The following KRT74 variants were observed in gnomAD, a reference collection of about 807,000 sequenced individuals.
KRT74 encodes the protein keratin 74, also known as keratin, type II cytoskeletal 74.
In KRT74, 43 loss-of-function variants were observed where a neutral mutation model predicts 42.7. The ratio of observed to expected loss-of-function variants is 1.01; its 90% CI spans 0.79 to 1.30. KRT74 has a LOEUF of 1.30. Ranked by LOEUF, KRT74 falls within the 50% of genes most tolerant of loss-of-function variation. The probability of loss-of-function intolerance (pLI) is 0.00; values close to 1 mark genes in which losing one functional copy is unlikely to be tolerated. For synonymous variants in KRT74, 302 were observed against 279.0 expected, an observed-to-expected ratio of 1.08 and a Z score of -0.82; for missense variants, 736 against 689.1, an observed-to-expected ratio of 1.07 and a Z score of -0.76.
chr12:52,569,662 G>A (rs1592212696), intron 6 of KRT74, 197 bp downstream of exon 6: 1 of 665,168 alleles, frequency 1.5e-6, no homozygotes, highest in East Asian at 2.6e-5. Context: ...ATAGGTTTGA[G>A]GCTCCTCCCA....
chr12:52,570,784 G>A lies in KRT74; in HGVS notation c.893C>T (p.Ser298Phe). ...GTCCAGGTCCCGGTTGTTGTCCATG[G>A]ACAGGATGACAGAGGTCTCACTGGC... ...THASETSVIL[S>F]MDNNRDLDLD... The change falls in exon 5 of 9, where the codon TCC (serine) becomes TTC (phenylalanine). Residue 298 changes from serine (S) to phenylalanine (F), a missense_variant. Physicochemically the swap from Ser to Phe is radical, Grantham distance 155. Coordinates refer to ENST00000305620, the MANE Select transcript of KRT74 (RefSeq NM_175053.4). The A allele has an allele frequency of 6.2e-7, 1 of 1,614,254 alleles. No homozygotes were observed. The highest frequency in any genetic ancestry group is 2.2e-5 in the East Asian group (1 of 44,884).
rs1939533249 is a variant in KRT74, at chr12:52,573,787, G to A, written c.-10C>T. On this transcript the variant is annotated 5_prime_UTR_variant, in exon 1 of 9. Transcript: ENST00000305620. Reference sequence around the variant, plus strand: ...TCAGTTGCCGACTCATGGTGGGAAAGGTTGAGTTGACAGAGCTGGAGAAAA... The same window carrying A: ...TCAGTTGCCGACTCATGGTGGGAAAAGTTGAGTTGACAGAGCTGGAGAAAA... The A allele has an allele frequency of 6.2e-7, 1 of 1,608,076 alleles. No individual in the cohort carries two copies. The highest frequency in any genetic ancestry group is 8.5e-7 in the Non-Finnish European group (1 of 1,175,016).
chr12:52,573,597 A>C lies in KRT74; in HGVS notation c.181T>G (p.Phe61Val). The change falls in exon 1 of 9, where the codon TTC (phenylalanine) becomes GTC (valine). Residue 61 changes from phenylalanine (F) to valine (V), a missense_variant. Phe to Val is a conservative substitution (Grantham distance 50). Coordinates refer to ENST00000305620, the MANE Select transcript of KRT74 (RefSeq NM_175053.4). ...YSLGGNRRIS[F>V]NVAGGGVRAG... The stretch of plus-strand genomic sequence containing the variant: ...CGAACGCCGCCACCAGCCACATTGA[A>C]AGAAATACGCCGATTCCCTCCAAGG... The C allele has an allele frequency of 6.2e-7, 1 of 1,614,176 alleles. No individual in the cohort carries two copies. The highest frequency in any genetic ancestry group is 8.5e-7 in the Non-Finnish European group (1 of 1,180,034).
In KRT74 at chr12:52,573,740, T is replaced by C; in HGVS notation, c.38A>G (p.Lys13Arg). The C allele has an allele frequency of 6.2e-7, 1 of 1,613,960 alleles. No individual in the cohort carries two copies. Among genetic ancestry groups the C allele is most frequent in the South Asian group, 1.1e-5 (1 of 91,086 alleles). Reference protein sequence around the residue: ...RQLNIKSSGDKGNFSVHSAVV... With the variant: ...RQLNIKSSGDRGNFSVHSAVV... ...TGCCGAATGCACACTGAAGTTGCCC[T>C]TGTCACCACTGGACTTGATGTTCAG... Residue 13 changes from lysine (K) to arginine (R), a missense_variant, in exon 1 of 9, where the codon AAG becomes AGG. Lys to Arg is a conservative substitution (Grantham distance 26, BLOSUM62 2). Coordinates refer to ENST00000305620, the MANE Select transcript of KRT74 (RefSeq NM_175053.4).
Position 52,573,343 on chromosome 12 carries a change from C to T in KRT74, c.435G>A (p.Lys145=). The change falls in exon 1 of 9, where the codon AAG becomes AAA. Residue 145 remains lysine (K), a synonymous_variant. Transcript: ENST00000305620. ...AGGAGGCGAACTTGTCGTTCAGCAC[C>T]TTGATCTGTTCCCGCTCCTGGGCGC... ...KVRAQEREQI[K]VLNDKFASFI... 2 of 1,614,216 alleles carry T rather than the reference C, an allele frequency of 1.2e-6. No homozygotes were observed. The highest frequency in any genetic ancestry group is 1.7e-6 in the Non-Finnish European group (2 of 1,180,042).
At chr12:52,571,313 T>A (rs745544302) in intron 4 of KRT74, 46 bp downstream of exon 4, 1 of 1,155,936 alleles carries the variant, frequency 8.7e-7, no homozygotes, top group Admixed American at 1.7e-5. Context: ...CCTGGAAGAG[T>A]CGGGAAGGAG....
rs763074273 is a variant in KRT74, at chr12:52,571,366, T to A, written c.836A>T (p.Tyr279Phe). The change falls in exon 4 of 9, where the codon TAT becomes TTT. Residue 279 changes from tyrosine to phenylalanine, a missense_variant. Tyr to Phe is a conservative substitution (Grantham distance 22). Transcript: ENST00000305620. ...GGACAGGAGTGTCCTTACTGCATCATACAGACACTTGAGGAACTTGATTTC... is the reference window on the plus strand; with the variant it reads ...GGACAGGAGTGTCCTTACTGCATCAAACAGACACTTGAGGAACTTGATTTC... Reference protein sequence around the residue: ...DKEIKFLKCLYDAEIAQIQTH... With the variant: ...DKEIKFLKCLFDAEIAQIQTH... The A allele has an allele frequency of 6.2e-7, 1 of 1,604,826 alleles. No individual in the cohort carries two copies. Among genetic ancestry groups the A allele is most frequent in the Non-Finnish European group, 8.5e-7 (1 of 1,171,596 alleles).
intron 6 of KRT74, among the ~76,000 whole-genome samples, chr12:52,569,077 A>G (rs1280043579): frequency 6.6e-6 from 1 of 152,184 alleles, no homozygotes; most frequent in East Asian, 1.9e-4. Context: ...CCTGCAGAGC[A>G]TGGAGGGTTG....
rs141454466 is a variant in KRT74, at chr12:52,568,113, C to T, written c.1355+56G>A. On this transcript the variant is annotated intron_variant, in intron 7 of 8. Coordinates refer to ENST00000305620, the MANE Select transcript of KRT74 (RefSeq NM_175053.4). ...TGTTGTTCTCCAGGTGGCCCCTCAG[C>T]CAGACAGGAGCCACACCCCAGTCCC... The T allele has an allele frequency of 9.4e-6, 15 of 1,594,918 alleles. No homozygotes were observed. The African/African-American group carries it at 1.2e-4, about 13-fold the overall frequency.
In KRT74 at chr12:52,571,468, C is replaced by T. The variant is rs1206752762; in HGVS notation, c.748-14G>A. 1.2e-6 allele frequency: 2 copies of T among 1,604,250 alleles called. No homozygotes were observed. The highest frequency in any genetic ancestry group is 1.7e-6 in the Non-Finnish European group (2 of 1,171,110). On this transcript the variant is annotated splice_polypyrimidine_tract_variant and intron_variant, in intron 3 of 8. Coordinates refer to ENST00000305620, the MANE Select transcript of KRT74 (RefSeq NM_175053.4). ...TGCATCTGCATCCTGCCAAGAGGCC[C>T]CAGAGTCATTGGGGGATGCAACCCT...
chr12:52,569,420 C>G, intron 6 of KRT74: 1 of 587,356 alleles, frequency 1.7e-6, no homozygotes, highest in Middle Eastern at 4.1e-4. Context: ...GATGCATACC[C>G]TCTGCACCCC....
intron 2 of KRT74, 135 bp downstream of exon 2, chr12:52,572,317 CT>C (rs1939498704): frequency 1.1e-6 from 1 of 920,166 alleles, no homozygotes. Flanking sequence ...GCCCTTCCCC[CT>C]AGCCAGAGAA....
In KRT74 at chr12:52,572,435, C is replaced by T. The variant is rs536489367; in HGVS notation, c.686+18G>A. On this transcript the variant is annotated intron_variant, in intron 2 of 8. Transcript: ENST00000305620. ...CACGGGAAACATGGTCTGTGACCCT[C>T]GGGTGGAGCCTGCTCACCTCTTCTT... 2.6e-5 allele frequency: 42 copies of T among 1,613,456 alleles called. No homozygotes were observed. The highest frequency in any genetic ancestry group is 1.0e-4 in the Admixed American group (6 of 60,022).
intron 6 of KRT74, chr12:52,569,439 T>C: frequency 1.6e-6 from 1 of 610,286 alleles, no homozygotes; most frequent in Admixed American, 2.9e-5. Flanking sequence ...CCACACATGT[T>C]CCATGTCCAG....
At position 52,570,036 on chromosome 12, in the gene KRT74, G is replaced by A. The variant is rs781379595; in HGVS notation, c.1009-52C>T. On this transcript the variant is annotated intron_variant, in intron 5 of 8. Transcript: ENST00000305620. Reference sequence around the variant, plus strand: ...TGATGAGACAAGGGCACTGGGGAAGGGTCCTGTAAATAAGCCACCCCTGCC... The same window carrying A: ...TGATGAGACAAGGGCACTGGGGAAGAGTCCTGTAAATAAGCCACCCCTGCC... 7 of 1,607,538 alleles carry A rather than the reference G, an allele frequency of 4.4e-6. No individual in the cohort carries two copies. In the South Asian group the frequency reaches 7.7e-5, roughly 18 times the overall value.
chr12:52,566,530 A>T lies in KRT74; in HGVS notation c.*439T>A. The T allele has an allele frequency of 6.2e-6, 1 of 162,496 alleles. No individual in the cohort carries two copies. 10.1% of individuals were successfully genotyped at this position (162,496 alleles called of 1,614,324 possible). On this transcript the variant is annotated 3_prime_UTR_variant, in exon 9 of 9. Transcript: ENST00000305620. Reference sequence around the variant, plus strand: ...GCAAGTAAAGGCTGTCTAACTTCTCACCACCTGCTTACAGGTCTCGTGTCA... The same window carrying T: ...GCAAGTAAAGGCTGTCTAACTTCTCTCCACCTGCTTACAGGTCTCGTGTCA...
chr12:52,569,024 T>C (rs1221578106), intron 6 of KRT74, among the ~76,000 whole-genome samples: 2 of 152,194 alleles, frequency 1.3e-5, no homozygotes, highest in African/African-American at 4.8e-5. Context: ...ATGGAATTTG[T>C]GAATCGGCCA....
intron 4 of KRT74, 142 bp from the exon 5 acceptor site, chr12:52,570,975 A>G (rs1592213404): frequency 1.0e-6 from 1 of 956,382 alleles, no homozygotes; most frequent in East Asian, 2.6e-5. Context: ...GCCCTCTGGG[A>G]TGTGTCTGCA....
At position 52,573,827 on chromosome 12, in the gene KRT74, G is replaced by T; in HGVS notation, c.-50C>A. 1 of 1,444,558 alleles carries T rather than the reference G, an allele frequency of 6.9e-7. No individual in the cohort carries two copies. 89.5% of individuals were successfully genotyped at this position (1,444,558 alleles called of 1,614,324 possible). On this transcript the variant is annotated 5_prime_UTR_variant, in exon 1 of 9. Transcript: ENST00000305620. Reference sequence around the variant, plus strand: ...GCTGGAGAAAAGCAGTCTCCAAGGGGTAGAGAACACACTGATGGGGCACCC... The same window carrying T: ...GCTGGAGAAAAGCAGTCTCCAAGGGTTAGAGAACACACTGATGGGGCACCC...
Sources: allele counts gnomAD v4.1 joint callset (sites outside exome capture counted in the v4.1 genomes callset), GRCh38; gene constraint gnomAD v4.1.1; transcripts MANE v1.5; gene names NCBI Gene and HGNC (gene_info 2026-07-23, HGNC 2026-07-21).